SDK1: variants seen among roughly 807,000 people sequenced by gnomAD.
SDK1 encodes protein sidekick-1.
SDK1 carries 157 observed loss-of-function variants against 245.5 expected under a neutral mutation model. That is an observed-to-expected ratio of 0.64 (90% CI 0.56 to 0.73). The LOEUF is 0.73. SDK1 is among the 30% of genes least tolerant of loss of function. The pLI, the probability that SDK1 is intolerant of heterozygous loss-of-function variation, is 0.00. For missense variants in SDK1, 3,583 were observed against 3,002.3 expected (o/e 1.19, Z -4.52); for synonymous variants, 1,647 against 1,278.5 (o/e 1.29, Z -6.15).
At position 3,573,025 on chromosome 7, in the gene SDK1, C is replaced by T. The variant is rs1431508162; in HGVS notation, c.299-46055C>T. Among the ~76,000 whole-genome samples, 4 of 152,120 alleles carry T rather than the reference C, an allele frequency of 2.6e-5. 1 individual carries two copies. The highest frequency in any genetic ancestry group is 6.5e-5 in the Admixed American group (1 of 15,294). ...CAAAAGTGAGGGACAGTGCCAGGCC[C>T]CAGGAACTCCTTTATGCAGCCCAGG... On this transcript the variant is annotated intron_variant, in intron 1 of 44. Transcript: ENST00000404826.
At chr7:4,051,864 C>T in intron 19 of SDK1, 34 bp downstream of exon 19, 1 of 1,576,474 alleles carries the variant, frequency 6.3e-7, no homozygotes, top group Non-Finnish European at 8.7e-7. Context: ...TCTTAAGTCA[C>T]TTGTCAAAGA....
chr7:3,423,460 T>A (rs1329949725), intron 1 of SDK1, among the ~76,000 whole-genome samples: 1 of 152,134 alleles, frequency 6.6e-6, no homozygotes, highest in African/African-American at 2.4e-5. Flanking sequence ...CAGATTTCTA[T>A]GCTTTTATAA....
At chr7:3,550,942 CTTGA>C (rs1008045032) in intron 1 of SDK1, among the ~76,000 whole-genome samples, 5 of 152,118 alleles carry the variant, frequency 3.3e-5, no homozygotes, top group Non-Finnish European at 7.4e-5. Context: ...TCTTATCATT[CTTGA>C]TTGTTAAAAG....
rs187515741 is a variant in SDK1 at position 3,957,312 on chromosome 7, C to T, written c.1151-1619C>T. ...TGAGCGCAGGAAACACTGGCAAGAG[C>T]TGGATAAATTAGGTTGATTGTATCA... On this transcript the variant is annotated intron_variant, in intron 7 of 44. Transcript: ENST00000404826. 1.7e-3 allele frequency among the ~76,000 whole-genome samples: 252 copies of T among 152,230 alleles called. 1 individual carries two copies. The highest frequency in any genetic ancestry group is 5.9e-3 in the African/African-American group (246 of 41,536).
At chr7:4,235,432 G>C (rs565830136) in intron 41 of SDK1, among the ~76,000 whole-genome samples, 2 of 152,270 alleles carry the variant, frequency 1.3e-5, no homozygotes, top group Admixed American at 1.3e-4. Flanking sequence ...CCAAAGTGCT[G>C]GGATTATAGG....
At chr7:3,427,609 A>C (rs918389321) in intron 1 of SDK1, among the ~76,000 whole-genome samples, 1 of 151,612 alleles carries the variant, frequency 6.6e-6, no homozygotes, top group Non-Finnish European at 1.5e-5. Context: ...TCATCTTGTC[A>C]TACGATATAA....
chr7:3,409,402 C>G (rs377134089), intron 1 of SDK1, among the ~76,000 whole-genome samples: 3 of 151,426 alleles, frequency 2.0e-5, no homozygotes, highest in East Asian at 3.9e-4. Context: ...GTGTTTGTGT[C>G]TCGCTGCCTG....
At chr7:4,002,665 CAT>C (rs1001733372) in intron 14 of SDK1, among the ~76,000 whole-genome samples, 4 of 152,084 alleles carry the variant, frequency 2.6e-5, no homozygotes, top group African/African-American at 9.7e-5. Flanking sequence ...CATACACAAA[CAT>C]ATATATACAC....
chr7:3,485,865 A>G (rs1057361419), intron 1 of SDK1, among the ~76,000 whole-genome samples: 1 of 151,586 alleles, frequency 6.6e-6, no homozygotes, highest in African/African-American at 2.4e-5. Flanking sequence ...TTTTTAAAAA[A>G]TCTTATTCTT....
At chr7:3,953,764 G>A (rs747086701) in intron 7 of SDK1, among the ~76,000 whole-genome samples, 8 of 152,142 alleles carry the variant, frequency 5.3e-5, no homozygotes, top group Non-Finnish European at 1.0e-4. Flanking sequence ...TCTCGAGTTA[G>A]CACCTCTCCG....
At chr7:3,417,331 C>A (rs1290037769) in intron 1 of SDK1, among the ~76,000 whole-genome samples, 1 of 152,206 alleles carries the variant, frequency 6.6e-6, no homozygotes, top group Non-Finnish European at 1.5e-5. Flanking sequence ...CCAGCCAGTT[C>A]CCCGACTCTT....
chr7:3,501,942 A>T (rs1272956791), intron 1 of SDK1, among the ~76,000 whole-genome samples: 1 of 152,172 alleles, frequency 6.6e-6, no homozygotes, highest in Non-Finnish European at 1.5e-5. Context: ...ATCCTCCTAG[A>T]CCAAAGGTGT....
chr7:3,653,431 C>G (rs1783068830), intron 4 of SDK1, among the ~76,000 whole-genome samples: 1 of 151,962 alleles, frequency 6.6e-6, no homozygotes, highest in African/African-American at 2.4e-5. Context: ...GGATGGGGGC[C>G]AAGATTGCAT....
intron 1 of SDK1, among the ~76,000 whole-genome samples, chr7:3,521,854 T>C (rs1224589818): frequency 2.0e-5 from 3 of 152,182 alleles, no homozygotes; most frequent in African/African-American, 4.8e-5. Context: ...TCAATTTGAA[T>C]TCCTGAAAAG....
chr7:3,879,925 A>AT (rs113405731), intron 5 of SDK1, among the ~76,000 whole-genome samples: 1,548 of 150,072 alleles, frequency 0.01, 27 homozygotes, highest in East Asian at 0.037. Flanking sequence ...CTACATGACC[A>AT]TTTTTTTTTT....
At chr7:3,885,676 A>G (rs1429422462) in intron 5 of SDK1, among the ~76,000 whole-genome samples, 1 of 152,106 alleles carries the variant, frequency 6.6e-6, no homozygotes, top group Non-Finnish European at 1.5e-5. Context: ...ATATCTTTCA[A>G]TAAATAGGTT....
chr7:4,027,907 A>G (rs1407291988), intron 17 of SDK1, among the ~76,000 whole-genome samples: 1 of 151,944 alleles, frequency 6.6e-6, no homozygotes, highest in Non-Finnish European at 1.5e-5. Context: ...GGGGCTTTCT[A>G]TCAACCAATT....
chr7:3,754,623 A>C, intron 4 of SDK1, among the ~76,000 whole-genome samples: 1 of 146,132 alleles, frequency 6.8e-6, no homozygotes, highest in Non-Finnish European at 1.5e-5. Context: ...GTCCCAGGGA[A>C]GTTCTCCCCG....
chr7:3,449,254 CT>C (rs1780439918), intron 1 of SDK1, among the ~76,000 whole-genome samples: 1 of 152,056 alleles, frequency 6.6e-6, no homozygotes, highest in African/African-American at 2.4e-5. Flanking sequence ...CGATTTCACA[CT>C]TTTATTTTGG....
Sources: allele counts gnomAD v4.1 joint callset (sites outside exome capture counted in the v4.1 genomes callset), GRCh38; gene constraint gnomAD v4.1.1; transcripts MANE v1.5; gene names NCBI Gene and HGNC (gene_info 2026-07-23, HGNC 2026-07-21).